The following CTNNA2 variants were observed in gnomAD, a reference collection of about 807,000 sequenced individuals.
The protein encoded by CTNNA2 is catenin alpha-2.
Under a neutral mutation model 101.0 loss-of-function variants are expected in CTNNA2, and 42 were observed. The ratio of observed to expected loss-of-function variants is 0.42; its 90% CI spans 0.32 to 0.54. The LOEUF (loss-of-function observed/expected upper bound fraction) is 0.54. Among genes scored for constraint, CTNNA2 ranks in the 20% least tolerant of loss-of-function variants. The probability of loss-of-function intolerance (pLI) is 0.14; values close to 1 mark genes in which losing one functional copy is unlikely to be tolerated. For missense variants in CTNNA2, 871 were observed against 1,223.1 expected, an observed-to-expected ratio of 0.71 and a Z score of 4.29; for synonymous variants, 450 against 456.4, an observed-to-expected ratio of 0.99 and a Z score of 0.18.
intron 2 of CTNNA2, among the ~76,000 whole-genome samples, chr2:79,234,301 G>A (rs946199333): frequency 6.6e-6 from 1 of 151,966 alleles, no homozygotes; most frequent in Admixed American, 6.6e-5. Context: ...ATGAAGATTA[G>A]TTTGGTGAGG....
chr2:80,455,085 C>G (rs960067954), intron 9 of CTNNA2, among the ~76,000 whole-genome samples: 1 of 152,228 alleles, frequency 6.6e-6, no homozygotes, highest in Non-Finnish European at 1.5e-5. Flanking sequence ...GATTAGTGAT[C>G]GCCCTGTTTC....
At chr2:79,609,415 C>T (rs2104177931) in intron 1 of CTNNA2, among the ~76,000 whole-genome samples, 1 of 152,076 alleles carries the variant, frequency 6.6e-6, no homozygotes, top group South Asian at 2.1e-4. Flanking sequence ...ATCAAAATTC[C>T]AGTAAGATTT....
intron 7 of CTNNA2, among the ~76,000 whole-genome samples, chr2:79,968,873 T>C (rs546950497): frequency 5.3e-5 from 8 of 152,174 alleles, no homozygotes; most frequent in Admixed American, 3.9e-4. Flanking sequence ...CCAGTGTTAT[T>C]CCAGATTTCA....
intron 2 of CTNNA2, among the ~76,000 whole-genome samples, chr2:79,204,808 G>A (rs1439695084): frequency 6.6e-6 from 1 of 152,158 alleles, no homozygotes; most frequent in African/African-American, 2.4e-5. Context: ...TTCTCACATG[G>A]CAGAAGAGCA....
intron 9 of CTNNA2, among the ~76,000 whole-genome samples, chr2:80,516,944 A>C (rs749418534): frequency 5.3e-4 from 81 of 152,254 alleles, no homozygotes; most frequent in Non-Finnish European, 1.1e-3. Context: ...TCCTCTCATG[A>C]GGGGTAAGTT....
At chr2:79,816,737 A>G (rs2105360934) in intron 3 of CTNNA2, among the ~76,000 whole-genome samples, 1 of 152,272 alleles carries the variant, frequency 6.6e-6, no homozygotes, top group South Asian at 2.1e-4. Context: ...GCCTTTCTAG[A>G]TGTCAGACAC....
At chr2:79,936,916 A>G (rs1687830249) in intron 7 of CTNNA2, among the ~76,000 whole-genome samples, 1 of 152,124 alleles carries the variant, frequency 6.6e-6, no homozygotes, top group Non-Finnish European at 1.5e-5. Flanking sequence ...GTCATGTTAC[A>G]TGACCTAAGT....
At chr2:80,001,041 A>T (rs1692911592) in intron 7 of CTNNA2, among the ~76,000 whole-genome samples, 1 of 152,238 alleles carries the variant, frequency 6.6e-6, no homozygotes, top group Non-Finnish European at 1.5e-5. Context: ...GAAGGCTGTA[A>T]GCAAACCACT....
intron 3 of CTNNA2, among the ~76,000 whole-genome samples, chr2:79,764,349 A>G (rs939491228): frequency 1.3e-5 from 2 of 152,226 alleles, no homozygotes; most frequent in African/African-American, 4.8e-5. Flanking sequence ...ATACAAAACT[A>G]TAGGCAACCT....
At chr2:80,639,710 A>T (rs1422750916) in intron 18 of CTNNA2, among the ~76,000 whole-genome samples, 1 of 152,220 alleles carries the variant, frequency 6.6e-6, no homozygotes, top group Non-Finnish European at 1.5e-5. Context: ...GATTTCATTA[A>T]TTAGCAACTC....
chr2:80,234,012 C>T (rs987627617), intron 7 of CTNNA2, among the ~76,000 whole-genome samples: 1 of 151,408 alleles, frequency 6.6e-6, no homozygotes, highest in African/African-American at 2.4e-5. Flanking sequence ...TCTTCCTGCA[C>T]CCTCATGCCC....
chr2:79,416,960 A>C (rs1678490744), intron 4 of CTNNA2, among the ~76,000 whole-genome samples: 1 of 152,134 alleles, frequency 6.6e-6, no homozygotes, highest in African/African-American at 2.4e-5. Flanking sequence ...ATCAGAAAAC[A>C]GTTCTGAAAT....
intron 9 of CTNNA2, among the ~76,000 whole-genome samples, chr2:80,517,730 G>A (rs1449489138): frequency 6.6e-6 from 1 of 152,150 alleles, no homozygotes; most frequent in East Asian, 1.9e-4. Flanking sequence ...CAAGTTTTGG[G>A]CCACATAACC....
At chr2:79,195,928 A>C in intron 1 of CTNNA2, 1 of 444,558 alleles carries the variant, frequency 2.2e-6, no homozygotes, top group South Asian at 1.6e-5. Context: ...AGGGGGATGA[A>C]CTCAGTTTTT....
At chr2:80,612,844 AT>A (rs1698576145) in intron 17 of CTNNA2, 1 of 151,438 alleles carries the variant, frequency 6.6e-6, no homozygotes, top group African/African-American at 2.4e-5. Context: ...AGTGCTAGCT[AT>A]TTCAATTTGG....
chr2:80,188,137 A>G (rs188962086), intron 7 of CTNNA2, among the ~76,000 whole-genome samples: 4 of 152,298 alleles, frequency 2.6e-5, no homozygotes, highest in Admixed American at 2.6e-4. Flanking sequence ...TGTTATTTCA[A>G]GGTTTTATCT....
At chr2:80,187,923 G>T (rs1706238392) in intron 7 of CTNNA2, among the ~76,000 whole-genome samples, 1 of 151,758 alleles carries the variant, frequency 6.6e-6, no homozygotes, top group East Asian at 1.9e-4. Flanking sequence ...CATTGCTAAG[G>T]TTGTAGATGT....
At chr2:79,407,349 G>C (rs1407969340) in intron 4 of CTNNA2, among the ~76,000 whole-genome samples, 1 of 151,974 alleles carries the variant, frequency 6.6e-6, no homozygotes, top group Non-Finnish European at 1.5e-5. Context: ...TCTGGTAGGT[G>C]GTAAGGTGAG....
At chr2:80,074,391 T>C (rs1245531056) in intron 7 of CTNNA2, among the ~76,000 whole-genome samples, 1 of 152,160 alleles carries the variant, frequency 6.6e-6, no homozygotes, top group Non-Finnish European at 1.5e-5. Flanking sequence ...AGGAATGGCA[T>C]TTCCCCATTT....
Sources: gnomAD v4.1 joint callset for allele counts (sites outside exome capture counted in the v4.1 genomes callset) on GRCh38, gnomAD v4.1.1 for gene constraint, MANE v1.5 for transcripts, NCBI Gene and HGNC (gene_info 2026-07-23, HGNC 2026-07-21) for gene names.